THAP12: variants seen among roughly 807,000 people sequenced by gnomAD.
The protein encoded by THAP12 is THAP domain containing 12.
A neutral mutation model predicts 63.0 loss-of-function variants in THAP12; 20 were observed. The ratio of observed to expected loss-of-function variants is 0.32; its 90% confidence interval spans 0.22 to 0.46. THAP12 has a LOEUF of 0.46. THAP12 is among the 20% of genes least tolerant of loss of function. The pLI, the probability that THAP12 is intolerant of heterozygous loss-of-function variation, is 1.00. For missense variants in THAP12, 568 were observed against 908.2 expected (o/e 0.63, Z 4.81); for synonymous variants, 264 against 328.4 (o/e 0.80, Z 2.12).
At chr11:76,379,825 C>T (rs1946738498) in intron 1 of THAP12, among the ~76,000 whole-genome samples, 2 of 152,108 alleles carry the variant, frequency 1.3e-5, no homozygotes, top group Admixed American at 6.5e-5. Flanking sequence ...ACCCCCACTG[C>T]TCACAACAAT....
intron 1 of THAP12, among the ~76,000 whole-genome samples, chr11:76,378,598 C>CT (rs1335893028): frequency 0.025 from 3,596 of 145,056 alleles, 131 homozygotes; most frequent in African/African-American, 0.082. Flanking sequence ...GACATCTATT[C>CT]TTTTTTTTTT....
rs570000539 is a variant in THAP12 at position 76,364,098 on chromosome 11, A to T, written c.210+1754T>A. Among the ~76,000 whole-genome samples the T allele has an allele frequency of 2.0e-5, 3 of 152,390 alleles. 1 individual carries two copies. The South Asian group carries it at 6.2e-4, about 32-fold the overall frequency. On this transcript the variant is annotated intron_variant, in intron 2 of 4. Coordinates refer to ENST00000260045, the MANE Select transcript of THAP12 (RefSeq NM_004705.4). ...CCTTTAAATTTCTCACAATCTGGTT[A>T]GAATTATCTAATTAAGAGACCATAT... is the stretch of plus-strand genomic sequence containing the variant.
intron 1 of THAP12, among the ~76,000 whole-genome samples, chr11:76,369,669 T>C (rs1321973038): frequency 6.6e-6 from 1 of 152,258 alleles, no homozygotes; most frequent in African/African-American, 2.4e-5. Flanking sequence ...TCTGGGAATT[T>C]GGAATTTTAT....
intron 4 of THAP12, among the ~76,000 whole-genome samples, chr11:76,354,022 A>G (rs928921416): frequency 6.6e-6 from 1 of 152,230 alleles, no homozygotes; most frequent in Non-Finnish European, 1.5e-5. Context: ...AAGAAAAAAG[A>G]CTATGGAGGG....
At chr11:76,371,805 CTTTTCTTTT>C (rs1946676346) in intron 1 of THAP12, among the ~76,000 whole-genome samples, 1 of 130,898 alleles carries the variant, frequency 7.6e-6, no homozygotes, top group Admixed American at 9.0e-5. Context: ...TCATTTTTAA[CTTTTCTTTT>C]TTTTTTTTTT....
chr11:76,361,360 C>T (rs1946596774), intron 2 of THAP12: 1 of 260,848 alleles, frequency 3.8e-6, no homozygotes, highest in East Asian at 9.5e-5. Context: ...TTTATCTGTA[C>T]TGTCCTTCCA....
At chr11:76,372,478 T>C (rs1024482945) in intron 1 of THAP12, among the ~76,000 whole-genome samples, 5 of 150,642 alleles carry the variant, frequency 3.3e-5, no homozygotes, top group African/African-American at 9.8e-5. Flanking sequence ...GGTGCAATCA[T>C]AGCTCATTCT....
chr11:76,379,153 G>A (rs948765336), intron 1 of THAP12, among the ~76,000 whole-genome samples: 3 of 152,232 alleles, frequency 2.0e-5, no homozygotes, highest in South Asian at 2.1e-4. Context: ...TCTTGAAGTC[G>A]TCCTTAAGTT....
In THAP12 at chr11:76,352,547, A is replaced by G. The variant is rs749383881; in HGVS notation, c.603T>C (p.Phe201=). 8 of 1,611,890 alleles carry G rather than the reference A, an allele frequency of 5.0e-6. No homozygotes were observed. In the Admixed American group the frequency reaches 5.0e-5, roughly 10 times the overall value. Residue 201 remains phenylalanine, a synonymous_variant, in exon 5 of 5, where the codon TTT becomes TTC. Transcript: ENST00000260045. The part of the protein sequence containing the change: ...IPEGLFTPDN[F]QALLECRINS... ...TTATCCGACACTCCAGCAGTGCCTG[A>G]AAGTTATCTGGAGTAAAGAGACCTT...
chr11:76,377,287 A>C (rs927577285), intron 1 of THAP12, among the ~76,000 whole-genome samples: 35 of 152,220 alleles, frequency 2.3e-4, no homozygotes, highest in African/African-American at 8.0e-4. Context: ...ATTTTAAAGT[A>C]AAAAACTAAT....
At chr11:76,369,092 A>G (rs1320957283) in intron 1 of THAP12, among the ~76,000 whole-genome samples, 1 of 152,220 alleles carries the variant, frequency 6.6e-6, no homozygotes, top group East Asian at 1.9e-4. Context: ...TTGAACAGGC[A>G]CTTTATAATA....
At position 76,380,928 on chromosome 11, in the gene THAP12, C is replaced by G. The variant is rs901379633; in HGVS notation, c.-92G>C. Reference sequence around the variant, plus strand: ...TCGGGGCCGGGGAGGGGAGCCAGGCCGGCCGGCCGGCTCGGCAGGGCCGAC... The same window carrying G: ...TCGGGGCCGGGGAGGGGAGCCAGGCGGGCCGGCCGGCTCGGCAGGGCCGAC... On this transcript the variant is annotated 5_prime_UTR_variant, in exon 1 of 5. Coordinates refer to ENST00000260045, the MANE Select transcript of THAP12 (RefSeq NM_004705.4). The G allele has an allele frequency of 1.7e-4, 64 of 387,130 alleles. No individual in the cohort carries two copies. Among genetic ancestry groups the G allele is most frequent in the Non-Finnish European group, 2.2e-4 (60 of 272,906 alleles). The allele number at this position is 387,130 out of a possible 1,614,324, so 24.0% of individuals were successfully genotyped here. A position where few individuals can be genotyped will look rare whatever the true frequency, so the allele number is the denominator to read the frequency against.
intron 4 of THAP12, among the ~76,000 whole-genome samples, chr11:76,354,302 A>G (rs959196116): frequency 6.6e-6 from 1 of 152,178 alleles, no homozygotes; most frequent in African/African-American, 2.4e-5. Flanking sequence ...GCTATTCATT[A>G]TATGTGACAC....
chr11:76,363,887 T>C (rs1170123752), intron 2 of THAP12, among the ~76,000 whole-genome samples: 1 of 152,186 alleles, frequency 6.6e-6, no homozygotes, highest in Non-Finnish European at 1.5e-5. Context: ...ATTACAGGTG[T>C]GAGCTACCAT....
At position 76,365,865 on chromosome 11, in the gene THAP12, A is replaced by G. The variant is rs1432565230; in HGVS notation, c.197T>C (p.Met66Thr). 1.2e-6 allele frequency: 2 copies of G among 1,612,824 alleles called. No homozygotes were observed. Among genetic ancestry groups the G allele is most frequent in the African/African-American group, 2.7e-5 (2 of 74,918 alleles). ...TCTATTACTCACAGTTCTACAGATCATAGAGGTCTCAAAATGTTTGGCACA... is the reference window on the plus strand; with the variant it reads ...TCTATTACTCACAGTTCTACAGATCGTAGAGGTCTCAAAATGTTTGGCACA... ...RLCAKHFETS[M>T]ICRTSPYRTV... The change falls in exon 2 of 5, where the codon ATG (methionine) becomes ACG (threonine). Residue 66 changes from methionine (M) to threonine (T), a missense_variant. By Grantham distance (81) the Met-to-Thr change is moderately conservative (BLOSUM62 -1). Coordinates refer to ENST00000260045, the MANE Select transcript of THAP12 (RefSeq NM_004705.4).
intron 2 of THAP12, among the ~76,000 whole-genome samples, chr11:76,361,852 A>C (rs550487700): frequency 6.6e-6 from 1 of 152,328 alleles, no homozygotes; most frequent in South Asian, 2.1e-4. Context: ...ACATACTACA[A>C]AACTTCTAAA....
At chr11:76,352,894 A>C in intron 4 of THAP12, 100 bp from the exon 5 acceptor site, 14 of 1,336,536 alleles carry the variant, frequency 1.0e-5, no homozygotes, top group East Asian at 2.5e-5. Context: ...CCACAAACTC[A>C]TTCATTCAAT....
At chr11:76,370,374 T>A (rs1946664000) in intron 1 of THAP12, among the ~76,000 whole-genome samples, 1 of 152,068 alleles carries the variant, frequency 6.6e-6, no homozygotes, top group Non-Finnish European at 1.5e-5. Flanking sequence ...TTGGGGTTTT[T>A]TTTTGAGAGA....
intron 1 of THAP12, among the ~76,000 whole-genome samples, chr11:76,368,995 C>T (rs1946651770): frequency 6.6e-6 from 1 of 152,056 alleles, no homozygotes; most frequent in African/African-American, 2.4e-5. Flanking sequence ...ATTTGCAATA[C>T]ATATATCTAA....
Sources: gnomAD v4.1 joint callset for allele counts (sites outside exome capture counted in the v4.1 genomes callset) on GRCh38, gnomAD v4.1.1 for gene constraint, MANE v1.5 for transcripts, NCBI Gene and HGNC (gene_info 2026-07-23, HGNC 2026-07-21) for gene names.